Variants in UPF2 observed in about 807,000 individuals in gnomAD.
The protein encoded by UPF2 is UPF2 regulator of nonsense mediated mRNA decay.
UPF2 carries 17 observed loss-of-function variants against 141.4 expected under a neutral mutation model. The ratio of observed to expected loss-of-function variants is 0.12; its 90% CI spans 0.08 to 0.18. The LOEUF is 0.18. UPF2 is among the 10% of genes least tolerant of loss of function. The pLI is 1.00. For synonymous variants in UPF2, 540 were observed against 498.0 expected (o/e 1.08, Z -1.12); for missense variants, 1,152 against 1,515.9 (o/e 0.76, Z 3.99).
chr10:12,026,599 T>C, intron 3 of UPF2: 1 of 449,792 alleles, frequency 2.2e-6, no homozygotes, highest in East Asian at 7.0e-5. Flanking sequence ...TGGACACTTC[T>C]GTAAAAATAT....
chr10:11,996,773 CAGG>C (rs572220647), intron 8 of UPF2, among the ~76,000 whole-genome samples: 236 of 152,262 alleles, frequency 1.5e-3, no homozygotes, highest in African/African-American at 5.6e-3. Flanking sequence ...ATAACGCTAG[CAGG>C]AGATTAAAAA....
rs551357316 is a variant in UPF2 at position 11,972,578 on chromosome 10, T to C, written c.1954-5124A>G. 4.6e-5 allele frequency among the ~76,000 whole-genome samples: 7 copies of C among 152,282 alleles called. No individual in the cohort carries two copies. The East Asian group carries it at 1.2e-3, about 25-fold the overall frequency. On this transcript the variant is annotated intron_variant, in intron 9 of 21. Transcript: ENST00000357604. ...CCCCGGTGCGTGATGTGCCCCTCCC[T>C]GTGTCCAAGTGTTCTGATTGTTTAA... is the stretch of plus-strand genomic sequence containing the variant.
intron 1 of UPF2, among the ~76,000 whole-genome samples, chr10:12,036,415 T>C (rs1027562399): frequency 6.6e-6 from 1 of 152,174 alleles, no homozygotes; most frequent in Non-Finnish European, 1.5e-5. Flanking sequence ...TAAAATTAAA[T>C]AAAATTTGAA....
At chr10:11,996,965 C>A (rs746298516) in intron 8 of UPF2, among the ~76,000 whole-genome samples, 26 of 152,116 alleles carry the variant, frequency 1.7e-4, no homozygotes, top group Non-Finnish European at 3.2e-4. Context: ...TGAGCTATGT[C>A]ATATGTAATC....
intron 4 of UPF2, among the ~76,000 whole-genome samples, chr10:12,011,459 T>G (rs1333323112): frequency 6.6e-6 from 1 of 151,622 alleles, no homozygotes; most frequent in Non-Finnish European, 1.5e-5. Context: ...TTAGCTGGGC[T>G]TGGTGGCGCA....
intron 3 of UPF2, among the ~76,000 whole-genome samples, 155 bp downstream of exon 3, chr10:12,028,590 C>G (rs1308131196): frequency 6.6e-6 from 1 of 152,150 alleles, no homozygotes; most frequent in Non-Finnish European, 1.5e-5. Context: ...CATGAGTACT[C>G]AGACTGTTCT....
At chr10:12,005,215 C>A (rs1834016541) in intron 4 of UPF2, among the ~76,000 whole-genome samples, 1 of 151,986 alleles carries the variant, frequency 6.6e-6, no homozygotes, top group African/African-American at 2.4e-5. Context: ...AAGAAGCATC[C>A]CTCCTTTTGG....
At chr10:12,003,422 A>G (rs1833984106) in intron 5 of UPF2, among the ~76,000 whole-genome samples, 3 of 152,232 alleles carry the variant, frequency 2.0e-5, no homozygotes, top group Non-Finnish European at 4.4e-5. Flanking sequence ...ACCAGAAAAC[A>G]GAACAATGCA....
Position 11,955,514 on chromosome 10 carries a change from G to T in UPF2, c.2575-7C>A, listed in dbSNP as rs1400562550. 2 of 1,600,602 alleles carry T rather than the reference G, an allele frequency of 1.2e-6. No homozygotes were observed. Among genetic ancestry groups the T allele is most frequent in the Non-Finnish European group, 1.7e-6 (2 of 1,173,784 alleles). On this transcript the variant is annotated splice_region_variant and splice_polypyrimidine_tract_variant and intron_variant, in intron 13 of 21. Coordinates refer to ENST00000357604, the MANE Select transcript of UPF2 (RefSeq NM_015542.4). ...TAAATTTAGGTTGATTAACCTAAAA[G>T]GCAACAAAACCACAGATTTTCATTA...
rs563970026 is a variant in UPF2, at chr10:12,019,684, A to G, written c.1146-5500T>C. On this transcript the variant is annotated intron_variant, in intron 3 of 21. Transcript: ENST00000357604. The surrounding 1 kb of genome is among the most constrained non-coding windows in gnomAD (Gnocchi z 4.5). ...TACGTGAGACATCACTGTCCAGAAGAATCTCTAAAGTACGTCAGTCCTTGA... is the reference window on the plus strand; with the variant it reads ...TACGTGAGACATCACTGTCCAGAAGGATCTCTAAAGTACGTCAGTCCTTGA... Among the ~76,000 whole-genome samples the G allele has an allele frequency of 1.3e-5, 2 of 152,304 alleles. No homozygotes were observed. The highest frequency in any genetic ancestry group is 4.8e-5 in the African/African-American group (2 of 41,582).
chr10:12,032,734 T>C (rs1337557172), intron 2 of UPF2, among the ~76,000 whole-genome samples: 1 of 138,720 alleles, frequency 7.2e-6, no homozygotes, highest in Non-Finnish European at 1.5e-5. Context: ...CAAGACCCTG[T>C]CTCAAAAAAA....
At position 11,956,982 on chromosome 10, in the gene UPF2, G is replaced by C. The variant is rs925527167; in HGVS notation, c.2371-459C>G. On this transcript the variant is annotated intron_variant, in intron 12 of 21. Transcript: ENST00000357604. The surrounding 1 kb of genome is among the most constrained non-coding windows in gnomAD (Gnocchi z 4.2). ...ACTACAGGCATGCAATAGCATGCCT[G>C]GCTAATTTTTATATTTTTTGTAGAG... Among the ~76,000 whole-genome samples, 2 of 152,122 alleles carry C rather than the reference G, an allele frequency of 1.3e-5. No homozygotes were observed. Among genetic ancestry groups the C allele is most frequent in the Non-Finnish European group, 2.9e-5 (2 of 68,026 alleles).
chr10:11,952,992 T>C (rs536094044), intron 14 of UPF2, among the ~76,000 whole-genome samples: 4 of 152,198 alleles, frequency 2.6e-5, no homozygotes, highest in Non-Finnish European at 5.9e-5. Context: ...TATCTGAAAA[T>C]ACGGTTTTTG....
At chr10:12,018,711 C>T (rs1012912109) in intron 3 of UPF2, among the ~76,000 whole-genome samples, 29 of 152,122 alleles carry the variant, frequency 1.9e-4, no homozygotes, top group African/African-American at 6.8e-4. Context: ...GTGACCGTGC[C>T]ACTGTGCTGC....
chr10:11,967,688 T>C (rs1833344564), intron 9 of UPF2, among the ~76,000 whole-genome samples: 1 of 151,824 alleles, frequency 6.6e-6, no homozygotes, highest in East Asian at 2.0e-4. Flanking sequence ...TAGCTGGGAT[T>C]ACAGGCGCCC....
chr10:12,033,002 C>T (rs559545796), intron 2 of UPF2, among the ~76,000 whole-genome samples: 1 of 152,200 alleles, frequency 6.6e-6, no homozygotes, highest in South Asian at 2.1e-4. Flanking sequence ...ATGCCACCAT[C>T]ACCCCCCCAA....
intron 8 of UPF2, among the ~76,000 whole-genome samples, chr10:11,989,195 CT>C (rs1274882069): frequency 1.3e-5 from 2 of 152,152 alleles, no homozygotes; most frequent in African/African-American, 4.8e-5. Flanking sequence ...CAGTAATGAA[CT>C]TTAAAAAGAT....
At chr10:12,020,347 G>A (rs952626816) in intron 3 of UPF2, among the ~76,000 whole-genome samples, 5 of 151,448 alleles carry the variant, frequency 3.3e-5, no homozygotes, top group Non-Finnish European at 1.5e-5. Context: ...TGCCTCCCGG[G>A]TTCAAGCCAT....
chr10:11,987,316 T>C (rs1461046492), intron 8 of UPF2, among the ~76,000 whole-genome samples: 1 of 152,234 alleles, frequency 6.6e-6, no homozygotes, highest in African/African-American at 2.4e-5. Context: ...ACCCTTGCAC[T>C]TAAACTTTAA....
Sources: gnomAD v4.1 joint callset for allele counts (sites outside exome capture counted in the v4.1 genomes callset) on GRCh38, gnomAD v4.1.1 for gene constraint, Gnocchi (gnomAD v3.1) non-coding constraint, MANE v1.5 for transcripts, NCBI Gene and HGNC (gene_info 2026-07-23, HGNC 2026-07-21) for gene names.